MGAM2: variants seen among roughly 807,000 people sequenced by gnomAD.
MGAM2 encodes the protein maltase-glucoamylase 2 (putative), also known as probable maltase-glucoamylase 2.
In MGAM2, 98 loss-of-function variants were observed where a neutral mutation model predicts 96.1. The ratio of observed to expected loss-of-function variants is 1.02; its 90% confidence interval spans 0.87 to 1.21. MGAM2 has a LOEUF of 1.21. MGAM2 is among the 50% of genes most tolerant of loss of function. MGAM2 has a pLI of 0.00. For synonymous variants in MGAM2, 749 were observed against 414.8 expected, an observed-to-expected ratio of 1.81 and a Z score of -9.79; for missense variants, 2,055 against 1,182.4, an observed-to-expected ratio of 1.74 and a Z score of -10.82.
chr7:142,151,843 A>G (rs990456214), intron 15 of MGAM2, among the ~76,000 whole-genome samples: 1 of 152,238 alleles, frequency 6.6e-6, no homozygotes, highest in Non-Finnish European at 1.5e-5. Context: ...AGGACAGTGG[A>G]GATAAGTGGA....
At chr7:142,190,362 C>T (rs1328826135) in intron 37 of MGAM2, among the ~76,000 whole-genome samples, 1 of 149,912 alleles carries the variant, frequency 6.7e-6, no homozygotes, top group Non-Finnish European at 1.5e-5. Flanking sequence ...ACCTCCTCCT[C>T]CTGGGTTCAG....
intron 33 of MGAM2, among the ~76,000 whole-genome samples, chr7:142,184,127 C>A (rs1222584759): frequency 6.6e-6 from 1 of 151,678 alleles, no homozygotes; most frequent in Non-Finnish European, 1.5e-5. Flanking sequence ...TGTGTGCCAA[C>A]ACTCCTGATT....
At chr7:142,186,308 A>C (rs1021466477) in intron 35 of MGAM2, among the ~76,000 whole-genome samples, 185 bp downstream of exon 35, 6 of 152,080 alleles carry the variant, frequency 3.9e-5, no homozygotes, top group African/African-American at 1.4e-4. Flanking sequence ...CTGCCCAGGG[A>C]CATATTGTCT....
intron 46 of MGAM2, among the ~76,000 whole-genome samples, chr7:142,218,118 T>C (rs1797819521): frequency 6.6e-6 from 1 of 152,086 alleles, no homozygotes; most frequent in Admixed American, 6.6e-5. Flanking sequence ...TGTTGACTAT[T>C]TGAGGTCATG....
At position 142,190,084 on chromosome 7, in the gene MGAM2, A is replaced by AT. The variant is rs142755984; in HGVS notation, c.4346+589dup. Among the ~76,000 whole-genome samples the AT allele has an allele frequency of 5.4e-4, 80 of 147,150 alleles. 1 individual carries two copies. The highest frequency in any genetic ancestry group is 5.2e-3 in the South Asian group (24 of 4,634). On this transcript the variant is annotated intron_variant, in intron 37 of 47. Transcript: ENST00000477922. ...ATGAGTGAACATCTAAATTGTTTCC[A>AT]TTTTTTTTTTGGCTATTATGAGTAG...
rs185203533 is a variant in MGAM2, at chr7:142,202,659, T to A, written c.5137+2691T>A. ...CATAGGACATGATTTCATTCTTTTTTATGGCTGTGTAGTATTCCATGGTGT... is the reference window on the plus strand; with the variant it reads ...CATAGGACATGATTTCATTCTTTTTAATGGCTGTGTAGTATTCCATGGTGT... On this transcript the variant is annotated intron_variant, in intron 45 of 47. Transcript: ENST00000477922. 1.3e-3 allele frequency among the ~76,000 whole-genome samples: 201 copies of A among 152,348 alleles called. 1 individual carries two copies. The highest frequency in any genetic ancestry group is 3.4e-3 in the Middle Eastern group (1 of 294).
intron 34 of MGAM2, among the ~76,000 whole-genome samples, chr7:142,185,492 A>C (rs36112911): frequency 2.0e-5 from 3 of 152,224 alleles, no homozygotes; most frequent in Non-Finnish European, 2.9e-5. Flanking sequence ...AATTATCTGC[A>C]TACAAAAGAA....
At chr7:142,153,295 C>T (rs1795640018) in intron 15 of MGAM2, among the ~76,000 whole-genome samples, 2 of 152,112 alleles carry the variant, frequency 1.3e-5, no homozygotes, top group Admixed American at 6.5e-5. Flanking sequence ...CCACCGCGCC[C>T]GGCCTGCTTT....
At position 142,148,011 on chromosome 7, in the gene MGAM2, G is replaced by T. The variant is rs1795439314; in HGVS notation, c.1634+438G>T. On this transcript the variant is annotated intron_variant, in intron 15 of 47. Transcript: ENST00000477922. The surrounding 1 kb of genome is among the most constrained non-coding windows in gnomAD (Gnocchi z 4.2). Reference sequence around the variant, plus strand: ...TACCTGTATTTCCTTTATTTATCTGGAAATGCTACACCATATCCTTCTATT... The same window carrying T: ...TACCTGTATTTCCTTTATTTATCTGTAAATGCTACACCATATCCTTCTATT... Among the ~76,000 whole-genome samples the T allele has an allele frequency of 6.6e-6, 1 of 151,990 alleles. No individual in the cohort carries two copies. Among genetic ancestry groups the T allele is most frequent in the East Asian group, 1.9e-4 (1 of 5,184 alleles).
At chr7:142,213,672 C>T (rs953456369) in intron 46 of MGAM2, among the ~76,000 whole-genome samples, 3 of 152,090 alleles carry the variant, frequency 2.0e-5, no homozygotes, top group Non-Finnish European at 4.4e-5. Context: ...GAAATTGAGG[C>T]ACTAAATTAA....
intron 45 of MGAM2, among the ~76,000 whole-genome samples, chr7:142,201,088 T>TTTTTTTTTTTTTG: frequency 7.4e-6 from 1 of 135,702 alleles, no homozygotes; most frequent in African/African-American, 2.8e-5. Flanking sequence ...TTTTCTTTTT[T>TTTTTTTTTTTTTG]TTTTTTTTTT....
chr7:142,183,887 G>A (rs532793089), intron 33 of MGAM2, among the ~76,000 whole-genome samples: 29 of 146,908 alleles, frequency 2.0e-4, no homozygotes, highest in Non-Finnish European at 3.4e-4. Context: ...TTTTAGCCTA[G>A]GTTCGAATTC....
chr7:142,161,235 T>G (rs746779736), intron 22 of MGAM2, 22 bp downstream of exon 22: 1 of 701,448 alleles, frequency 1.4e-6, no homozygotes, highest in Middle Eastern at 2.3e-4. Context: ...CAAGGCACCA[T>G]CCCTGTGGAT....
chr7:142,211,181 C>T (rs755513664), intron 46 of MGAM2, among the ~76,000 whole-genome samples: 72 of 152,116 alleles, frequency 4.7e-4, no homozygotes, highest in Non-Finnish European at 3.2e-4. Context: ...AAAATCCATC[C>T]GAAGGTCACC....
intron 15 of MGAM2, among the ~76,000 whole-genome samples, chr7:142,147,919 C>T (rs1186297990): frequency 6.6e-6 from 1 of 152,054 alleles, no homozygotes; most frequent in East Asian, 1.9e-4. Flanking sequence ...ATACAGGACA[C>T]CAAATTAAAT....
chr7:142,136,146 T>A (rs1795055109), intron 7 of MGAM2, among the ~76,000 whole-genome samples: 1 of 152,094 alleles, frequency 6.6e-6, no homozygotes, highest in African/African-American at 2.4e-5. Flanking sequence ...AGACTTAAAC[T>A]CCAGAGCTTG....
chr7:142,123,963 CTTTTT>C (rs960655956), intron 3 of MGAM2, among the ~76,000 whole-genome samples: 7 of 98,112 alleles, frequency 7.1e-5, no homozygotes, highest in South Asian at 3.2e-4. Context: ...AGTCCAGAAA[CTTTTT>C]TTTTTTTTTT....
intron 32 of MGAM2, among the ~76,000 whole-genome samples, chr7:142,182,281 G>A (rs1386230007): frequency 6.6e-6 from 1 of 152,124 alleles, no homozygotes. Flanking sequence ...GTACTTCCAG[G>A]CCACCAGCAA....
intron 45 of MGAM2, among the ~76,000 whole-genome samples, chr7:142,201,195 C>T (rs1370497723): frequency 1.4e-5 from 2 of 147,454 alleles, no homozygotes; most frequent in Non-Finnish European, 3.0e-5. Context: ...TCAGCCTTCC[C>T]GAGTAGCTGG....
Sources: allele counts gnomAD v4.1 joint callset (sites outside exome capture counted in the v4.1 genomes callset), GRCh38; gene constraint gnomAD v4.1.1; non-coding constraint Gnocchi (gnomAD v3.1); transcripts MANE v1.5; gene names NCBI Gene and HGNC (gene_info 2026-07-23, HGNC 2026-07-21).